Variants in HENMT1 observed in about 807,000 individuals in gnomAD.
The protein encoded by HENMT1 is HEN methyltransferase 1.
Under a neutral mutation model 31.1 loss-of-function variants are expected in HENMT1, and 27 were observed. That is an observed-to-expected ratio of 0.87 (90% CI 0.64 to 1.20). HENMT1 has a LOEUF of 1.20. HENMT1 is among the 50% of genes most tolerant of loss of function. The pLI is 0.00. For synonymous variants in HENMT1, 167 were observed against 172.2 expected, an observed-to-expected ratio of 0.97 and a Z score of 0.24; for missense variants, 438 against 469.6, an observed-to-expected ratio of 0.93 and a Z score of 0.62.
In HENMT1 at chr1:108,651,162, AC is replaced by A; in HGVS notation, c.445del (p.Val149TyrfsTer9). 9 of 1,614,090 alleles carry A rather than the reference AC, an allele frequency of 5.6e-6. No homozygotes were observed. Among genetic ancestry groups the A allele is most frequent in the Non-Finnish European group, 7.6e-6 (9 of 1,179,962 alleles). On this transcript the variant is annotated frameshift_variant, in exon 6 of 8. Transcript: ENST00000651461. LOFTEE classifies it high-confidence loss of function. ...CATGGATGGAGACAGGTACCCAAAT[AC>A]CACTTCAGGAAATCTGGCCAGATCA... ...SGDLARFPEVVFGYLSPSMIV... is the reference protein window; with the variant it reads ...SGDLARFPEVXFGYLSPSMIV...
intron 4 of HENMT1, 69 bp from the exon 5 acceptor site, chr1:108,654,919 T>A: frequency 6.9e-7 from 1 of 1,459,302 alleles, no homozygotes; most frequent in Non-Finnish European, 9.5e-7. Flanking sequence ...GCTACAGAAC[T>A]CAGATCCTCT....
chr1:108,654,946 C>T, intron 4 of HENMT1, 96 bp from the exon 5 acceptor site: 1 of 1,243,910 alleles, frequency 8.0e-7, no homozygotes, highest in Non-Finnish European at 1.1e-6. Flanking sequence ...TATCTTCTAC[C>T]TCTATTGATA....
At chr1:108,657,283 C>T (rs1658273691) in intron 3 of HENMT1, among the ~76,000 whole-genome samples, 168 bp downstream of exon 3, 1 of 152,084 alleles carries the variant, frequency 6.6e-6, no homozygotes, top group African/African-American at 2.4e-5. Context: ...AAAGAAAAAC[C>T]CCTTTTGCTT....
At chr1:108,650,433 C>T (rs750054592) in intron 6 of HENMT1, 45 bp from the exon 7 acceptor site, 2 of 1,545,706 alleles carry the variant, frequency 1.3e-6, no homozygotes, top group Non-Finnish European at 1.8e-6. Context: ...AAATGTAGAG[C>T]TACTGTTAAA....
At chr1:108,649,066 C>CT in intron 7 of HENMT1, 75 bp from the exon 8 acceptor site, 1 of 1,231,602 alleles carries the variant, frequency 8.1e-7, no homozygotes, top group Non-Finnish European at 1.1e-6. Flanking sequence ...CCATCAATAA[C>CT]TTTTTTGCCA....
chr1:108,650,604 G>C (rs1225835609), intron 6 of HENMT1, among the ~76,000 whole-genome samples: 1 of 152,198 alleles, frequency 6.6e-6, no homozygotes, highest in African/African-American at 2.4e-5. Flanking sequence ...GAATATGGAA[G>C]ACGAAAGGAA....
Position 108,648,795 on chromosome 1 carries a change from A to G in HENMT1, c.953T>C (p.Phe318Ser). The change falls in exon 8 of 8, where the codon TTC becomes TCC. Residue 318 changes from phenylalanine (F) to serine (S), a missense_variant. By Grantham distance (155) the Phe-to-Ser change is radical. Transcript: ENST00000651461. ...KAPVPCFGPV[F>S]TEVEKAKIEN... ...TATCTTGGCCTTCTCAACCTCTGTG[A>G]AGACTGGTCCAAAGCATGGGACAGG... The G allele has an allele frequency of 1.2e-6, 2 of 1,614,204 alleles. No individual in the cohort carries two copies. Among genetic ancestry groups the G allele is most frequent in the Non-Finnish European group, 1.7e-6 (2 of 1,180,038 alleles).
intron 7 of HENMT1, chr1:108,649,917 A>G: frequency 2.2e-6 from 1 of 444,874 alleles, no homozygotes; most frequent in South Asian, 1.9e-5. Flanking sequence ...GCCTCCCAAC[A>G]TGCTAGGATC....
At chr1:108,653,308 G>A (rs1326484478) in intron 5 of HENMT1, among the ~76,000 whole-genome samples, 1 of 152,108 alleles carries the variant, frequency 6.6e-6, no homozygotes, top group Non-Finnish European at 1.5e-5. Context: ...GAGCCACCAT[G>A]CCCAGCCTAA....
At position 108,650,315 on chromosome 1, in the gene HENMT1, C is replaced by T. The variant is rs1360032400; in HGVS notation, c.652G>A (p.Glu218Lys). ...TGVGEPPAGA[E>K]NVGYCTQIGI... Reference sequence around the variant, plus strand: ...ATCTGGGTACAGTATCCAACATTCTCAGCTCCAGCTGGTGGTTCCCCGACA... The same window carrying T: ...ATCTGGGTACAGTATCCAACATTCTTAGCTCCAGCTGGTGGTTCCCCGACA... Residue 218 changes from glutamate to lysine, a missense_variant, in exon 7 of 8, where the codon GAG (glutamate) becomes AAG (lysine). Coordinates refer to ENST00000651461, the MANE Select transcript of HENMT1 (RefSeq NM_001102592.2). 4 of 1,614,048 alleles carry T rather than the reference C, an allele frequency of 2.5e-6. No individual in the cohort carries two copies. The African/African-American group carries it at 4.0e-5, about 16-fold the overall frequency.
At chr1:108,649,407 C>A (rs1321751045) in intron 7 of HENMT1, 1 of 457,500 alleles carries the variant, frequency 2.2e-6, no homozygotes, top group Non-Finnish European at 4.4e-6. Context: ...TCAAGACCAG[C>A]CTGGGCAACA....
intron 1 of HENMT1, 31 bp downstream of exon 1, chr1:108,660,932 A>G (rs939977903): frequency 3.2e-5 from 31 of 970,368 alleles, no homozygotes; most frequent in Non-Finnish European, 3.7e-5. Context: ...TCAAAAAAAA[A>G]AAAAGAAAAA....
At chr1:108,657,642 G>C in intron 2 of HENMT1, 63 bp from the exon 3 acceptor site, 1 of 1,507,210 alleles carries the variant, frequency 6.6e-7, no homozygotes, top group East Asian at 2.3e-5. Context: ...AATTAAATAA[G>C]GGGCAAAAAA....
chr1:108,658,333 C>T (rs1658329568), intron 2 of HENMT1, among the ~76,000 whole-genome samples: 1 of 152,116 alleles, frequency 6.6e-6, no homozygotes, highest in Non-Finnish European at 1.5e-5. Flanking sequence ...ACGGGTTTCA[C>T]CATGTTGGCC....
intron 5 of HENMT1, among the ~76,000 whole-genome samples, chr1:108,652,803 G>A (rs1271011199): frequency 6.6e-6 from 1 of 151,900 alleles, no homozygotes; most frequent in Non-Finnish European, 1.5e-5. Context: ...AATTAGCCAG[G>A]TGTGGTGGCA....
Position 108,657,594 on chromosome 1 carries a change from CA to C in HENMT1, c.22-16del. 1 of 1,579,398 alleles carries C rather than the reference CA, an allele frequency of 6.3e-7. No homozygotes were observed. The highest frequency in any genetic ancestry group is 1.9e-5 in the Admixed American group (1 of 53,820). On this transcript the variant is annotated splice_polypyrimidine_tract_variant and intron_variant, in intron 2 of 7. Coordinates refer to ENST00000651461, the MANE Select transcript of HENMT1 (RefSeq NM_001102592.2). ...ACACTACTGCACTGAAGTTCACAAA[CA>C]AAAAAAGACAGGTTCTAAATCATGC...
intron 3 of HENMT1, among the ~76,000 whole-genome samples, chr1:108,656,219 G>C (rs1236076203): frequency 6.6e-6 from 1 of 152,098 alleles, no homozygotes; most frequent in East Asian, 1.9e-4. Flanking sequence ...CACATGCCTA[G>C]ATGGCTACAA....
rs771881970 is a variant in HENMT1, at chr1:108,657,486, C to CTA, written c.114_115insTA (p.Val39Ter). ...TCATGTTGATCCACTAAATTTTTAA[C>CTA]GAACTGGTACCGCTGTCTGTATAGT... is the stretch of plus-strand genomic sequence containing the variant. On this transcript the variant is annotated frameshift_variant, in exon 3 of 8. Transcript: ENST00000651461. LOFTEE classifies it high-confidence loss of function. The CTA allele has an allele frequency of 8.7e-6, 14 of 1,609,848 alleles. No homozygotes were observed. Among genetic ancestry groups the CTA allele is most frequent in the Non-Finnish European group, 1.2e-5 (14 of 1,176,946 alleles).
chr1:108,654,630 C>A, intron 5 of HENMT1, 86 bp downstream of exon 5: 2 of 1,302,178 alleles, frequency 1.5e-6, no homozygotes, highest in South Asian at 2.9e-5. Context: ...TAATCAAGAC[C>A]TATTATATTT....
Sources: gnomAD v4.1 joint callset for allele counts (sites outside exome capture counted in the v4.1 genomes callset) on GRCh38, gnomAD v4.1.1 for gene constraint, MANE v1.5 for transcripts, NCBI Gene and HGNC (gene_info 2026-07-23, HGNC 2026-07-21) for gene names.